The following COG5 variants were observed in gnomAD, a reference collection of about 807,000 sequenced individuals.
COG5 encodes the protein component of oligomeric golgi complex 5.
A neutral mutation model predicts 110.4 loss-of-function variants in COG5; 86 were observed. The observed-to-expected ratio is 0.78, with a 90% CI of 0.65 to 0.93. COG5 has a LOEUF of 0.93. Among genes scored for constraint, COG5 ranks in the 40% least tolerant of loss-of-function variants. The pLI is 0.00. For synonymous variants in COG5, 360 were observed against 334.6 expected, an observed-to-expected ratio of 1.08 and a Z score of -0.83; for missense variants, 1,077 against 987.0, an observed-to-expected ratio of 1.09 and a Z score of -1.22.
At chr7:107,269,003 C>T (rs910895843) in intron 14 of COG5, among the ~76,000 whole-genome samples, 3 of 152,044 alleles carry the variant, frequency 2.0e-5, no homozygotes, top group African/African-American at 7.2e-5. Flanking sequence ...TATTTTACTA[C>T]CTTATTATAA....
intron 5 of COG5, among the ~76,000 whole-genome samples, chr7:107,541,715 G>A (rs1271556190): frequency 6.6e-6 from 1 of 150,444 alleles, no homozygotes; most frequent in Non-Finnish European, 1.5e-5. Flanking sequence ...TGCGGATCAC[G>A]AGGTCAGAAG....
chr7:107,420,222 T>TC (rs1214176034), intron 6 of COG5, among the ~76,000 whole-genome samples: 1 of 152,146 alleles, frequency 6.6e-6, no homozygotes, highest in African/African-American at 2.4e-5. Context: ...TTTCTGAGAC[T>TC]CCAACAGTGA....
At chr7:107,553,802 T>C (rs1803096950) in intron 3 of COG5, among the ~76,000 whole-genome samples, 1 of 152,256 alleles carries the variant, frequency 6.6e-6, no homozygotes, top group Non-Finnish European at 1.5e-5. Context: ...CATGCCTTCT[T>C]CCACTACTAG....
chr7:107,535,883 T>C (rs894926105), intron 5 of COG5, among the ~76,000 whole-genome samples: 33 of 152,296 alleles, frequency 2.2e-4, no homozygotes, highest in African/African-American at 7.7e-4. Context: ...ATATCCCTGA[T>C]GAACATCAAT....
chr7:107,289,742 T>C (rs1806004554), intron 12 of COG5, among the ~76,000 whole-genome samples: 2 of 152,208 alleles, frequency 1.3e-5, no homozygotes. Flanking sequence ...AAATATTTTA[T>C]CTTTGTGGTG....
At chr7:107,219,182 A>G (rs1296140486) in intron 19 of COG5, among the ~76,000 whole-genome samples, 1 of 152,168 alleles carries the variant, frequency 6.6e-6, no homozygotes, top group Non-Finnish European at 1.5e-5. Flanking sequence ...TATTTAAAAA[A>G]ATGAAAGATT....
Position 107,283,698 on chromosome 7 carries a change from A to T in COG5, c.1348T>A (p.Tyr450Asn). 6.2e-7 allele frequency: 1 copy of T among 1,614,054 alleles called. No homozygotes were observed. The highest frequency in any genetic ancestry group is 2.2e-5 in the East Asian group (1 of 44,840). The change falls in exon 13 of 22, where the codon TAT becomes AAT. Residue 450 changes from tyrosine (Y) to asparagine (N), a missense_variant. By Grantham distance (143) the Tyr-to-Asn change is moderately radical. Transcript: ENST00000297135. Reference sequence around the variant, plus strand: ...GATTTTGATAGATAAGCAGCCTCATAGGGTTGTAGTGAGTCTTTCAAAGCC... The same window carrying T: ...GATTTTGATAGATAAGCAGCCTCATTGGGTTGTAGTGAGTCTTTCAAAGCC... ...EKALKDSLQP[Y>N]EAAYLSKSLS...
At chr7:107,255,385 C>A (rs1802809858) in intron 16 of COG5, among the ~76,000 whole-genome samples, 1 of 152,104 alleles carries the variant, frequency 6.6e-6, no homozygotes, top group South Asian at 2.1e-4. Flanking sequence ...CCTTCTCTTA[C>A]CCTCAATGAA....
intron 14 of COG5, among the ~76,000 whole-genome samples, chr7:107,266,312 G>C (rs1803798765): frequency 6.6e-6 from 1 of 152,118 alleles, no homozygotes; most frequent in Non-Finnish European, 1.5e-5. Context: ...TATTCTCACA[G>C]CGTATGCCAT....
chr7:107,291,489 A>G (rs957940274), intron 12 of COG5, among the ~76,000 whole-genome samples: 1 of 152,094 alleles, frequency 6.6e-6, no homozygotes, highest in African/African-American at 2.4e-5. Context: ...GGATTATTTT[A>G]ATGAAGTCTA....
chr7:107,287,702 C>G (rs1805759555), intron 12 of COG5, among the ~76,000 whole-genome samples: 1 of 152,110 alleles, frequency 6.6e-6, no homozygotes, highest in Non-Finnish European at 1.5e-5. Flanking sequence ...ATAGATTTTG[C>G]TATTCTGGAT....
chr7:107,439,404 T>C (rs1424659411), intron 6 of COG5, among the ~76,000 whole-genome samples: 1 of 152,190 alleles, frequency 6.6e-6, no homozygotes, highest in Non-Finnish European at 1.5e-5. Context: ...CCCCGTTTTC[T>C]CGAGCCCATT....
intron 6 of COG5, among the ~76,000 whole-genome samples, chr7:107,473,348 CATA>C (rs1417929471): frequency 6.6e-6 from 1 of 151,856 alleles, no homozygotes; most frequent in African/African-American, 2.4e-5. Context: ...TTTATTTTAG[CATA>C]ATGTCCCACT....
intron 6 of COG5, among the ~76,000 whole-genome samples, chr7:107,446,897 T>C (rs549284469): frequency 1.1e-3 from 173 of 152,040 alleles, no homozygotes; most frequent in African/African-American, 3.7e-3. Context: ...TACAACAAAA[T>C]TAGTGGCTCT....
At chr7:107,304,261 G>A (rs113038718) in intron 11 of COG5, among the ~76,000 whole-genome samples, 5,958 of 152,152 alleles carry the variant, frequency 0.039, 182 homozygotes, top group Non-Finnish European at 0.06. Flanking sequence ...AATAGTCTAT[G>A]TGCTCAATTT....
chr7:107,550,076 C>A (rs1019903690), intron 3 of COG5, among the ~76,000 whole-genome samples: 1 of 152,128 alleles, frequency 6.6e-6, no homozygotes, highest in African/African-American at 2.4e-5. Context: ...GCCCTACCCC[C>A]CAACCTATCA....
chr7:107,509,223 C>G (rs1355396280), intron 6 of COG5, among the ~76,000 whole-genome samples: 1 of 152,064 alleles, frequency 6.6e-6, no homozygotes, highest in Non-Finnish European at 1.5e-5. Context: ...TAGCTGAAAG[C>G]CAAGGCTCAA....
intron 6 of COG5, among the ~76,000 whole-genome samples, chr7:107,415,972 A>G: frequency 2.4e-5 from 3 of 124,700 alleles, no homozygotes; most frequent in Admixed American, 2.3e-4. Context: ...ATACACACAC[A>G]TACACGTATG....
At chr7:107,272,886 C>T (rs1314693821) in intron 14 of COG5, among the ~76,000 whole-genome samples, 1 of 152,182 alleles carries the variant, frequency 6.6e-6, no homozygotes, top group East Asian at 1.9e-4. Flanking sequence ...AAGTGTGCTA[C>T]ATGTCTGATA....
Sources: allele counts gnomAD v4.1 joint callset (sites outside exome capture counted in the v4.1 genomes callset), GRCh38; gene constraint gnomAD v4.1.1; transcripts MANE v1.5; gene names NCBI Gene and HGNC (gene_info 2026-07-23, HGNC 2026-07-21).